NCKAP5: variants seen among roughly 807,000 people sequenced by gnomAD.
NCKAP5 encodes the protein NCK associated protein 5.
Under a neutral mutation model 167.0 loss-of-function variants are expected in NCKAP5, and 92 were observed. The ratio of observed to expected loss-of-function variants is 0.55; its 90% CI spans 0.47 to 0.66. The LOEUF is 0.66. NCKAP5 is among the 30% of genes least tolerant of loss of function. NCKAP5 has a pLI of 0.00. For synonymous variants in NCKAP5, 891 were observed against 877.4 expected (o/e 1.02, Z -0.27); for missense variants, 2,378 against 2,315.0 (o/e 1.03, Z -0.56).
intron 4 of NCKAP5, among the ~76,000 whole-genome samples, chr2:133,252,809 AAATTTAAATTCATG>A (rs1450096770): frequency 2.0e-5 from 3 of 152,228 alleles, no homozygotes; most frequent in Admixed American, 1.3e-4. Flanking sequence ...TGATGCCCAT[AAATTTAAATTCATG>A]ACTTACTTGC....
At chr2:132,906,396 A>T (rs1232281683) in intron 8 of NCKAP5, among the ~76,000 whole-genome samples, 1 of 152,182 alleles carries the variant, frequency 6.6e-6, no homozygotes, top group Non-Finnish European at 1.5e-5. Flanking sequence ...ATGAGAGATT[A>T]TACTGTAAAG....
intron 16 of NCKAP5, among the ~76,000 whole-genome samples, chr2:132,748,053 C>T (rs1679797293): frequency 6.6e-6 from 1 of 152,180 alleles, no homozygotes; most frequent in African/African-American, 2.4e-5. Context: ...TTAGAACAAG[C>T]TTCAGGGCTG....
chr2:132,874,080 C>T (rs1374171882), intron 9 of NCKAP5, among the ~76,000 whole-genome samples: 1 of 148,050 alleles, frequency 6.8e-6, no homozygotes, highest in African/African-American at 2.5e-5. Flanking sequence ...GTACGATCGT[C>T]TTCCATTTCT....
chr2:133,438,766 G>A (rs1156804581), intron 3 of NCKAP5, among the ~76,000 whole-genome samples: 1 of 151,972 alleles, frequency 6.6e-6, no homozygotes, highest in Admixed American at 6.5e-5. Flanking sequence ...TATTCTCTAG[G>A]GATATTTGAT....
chr2:133,539,408 C>T (rs1404380340), intron 2 of NCKAP5, among the ~76,000 whole-genome samples: 2 of 151,984 alleles, frequency 1.3e-5, no homozygotes, highest in Non-Finnish European at 2.9e-5. Flanking sequence ...CAGTTTAAAG[C>T]ACACAAAACT....
chr2:132,731,850 G>T lies in NCKAP5; in HGVS notation c.5330C>A (p.Thr1777Lys). Residue 1777 changes from threonine (T) to lysine (K), a missense_variant, in exon 17 of 20, where the codon ACA becomes AAA. Physicochemically the swap from Thr to Lys is moderately conservative, Grantham distance 78. Coordinates refer to ENST00000409261, the MANE Select transcript of NCKAP5 (RefSeq NM_207363.3). Reference protein sequence around the residue: ...QTLEREVPSSTDGQRPADSAI... With the variant: ...QTLEREVPSSKDGQRPADSAI... ...GCTATCTGCAGGGCGCTGGCCGTCT[G>T]TGGAGGAAGGCACTTCACGTTCAAG... is the stretch of plus-strand genomic sequence containing the variant. The T allele has an allele frequency of 6.2e-7, 1 of 1,613,976 alleles. No individual in the cohort carries two copies. Among genetic ancestry groups the T allele is most frequent in the Non-Finnish European group, 8.5e-7 (1 of 1,179,882 alleles).
chr2:133,337,088 CA>C lies in NCKAP5; in HGVS notation c.70-33979del, dbSNP rs1683262444. Reference sequence around the variant, plus strand: ...CATAGCTAGAACTCAGGCCTCTTTTCAATTTGTTTTCTGATCCCCCACTCTT... The same window carrying C: ...CATAGCTAGAACTCAGGCCTCTTTTCATTTGTTTTCTGATCCCCCACTCTT... On this transcript the variant is annotated intron_variant, in intron 3 of 19. Transcript: ENST00000409261. 2.0e-5 allele frequency among the ~76,000 whole-genome samples: 3 copies of C among 152,148 alleles called. No individual in the cohort carries two copies. The South Asian group carries it at 6.2e-4, about 32-fold the overall frequency.
At chr2:133,069,141 T>C (rs2080299543) in intron 6 of NCKAP5, among the ~76,000 whole-genome samples, 1 of 152,298 alleles carries the variant, frequency 6.6e-6, no homozygotes, top group South Asian at 2.1e-4. Flanking sequence ...AATGGAGAGA[T>C]GGAAAATTAG....
chr2:133,624,147 G>C, the NCKAP5 span, among the ~76,000 whole-genome samples: 10 of 152,042 alleles, frequency 6.6e-5, no homozygotes, highest in Non-Finnish European at 1.0e-4. Flanking sequence ...GTGGGGGATG[G>C]TGAGGGATAA....
intron 8 of NCKAP5, among the ~76,000 whole-genome samples, chr2:132,952,771 T>G (rs1023506364): frequency 6.6e-6 from 1 of 152,192 alleles, no homozygotes; most frequent in Non-Finnish European, 1.5e-5. Flanking sequence ...AATGCACGTA[T>G]TTTTCTACAC....
intron 4 of NCKAP5, among the ~76,000 whole-genome samples, chr2:133,251,325 C>T (rs2088311939): frequency 6.6e-6 from 1 of 152,110 alleles, no homozygotes; most frequent in Admixed American, 6.5e-5. Flanking sequence ...GTGAGGGATG[C>T]CTGTATCTGC....
intron 6 of NCKAP5, among the ~76,000 whole-genome samples, chr2:133,015,665 AATT>A (rs1168580763): frequency 6.6e-6 from 1 of 152,202 alleles, no homozygotes; most frequent in Non-Finnish European, 1.5e-5. Flanking sequence ...TTCGCCCACT[AATT>A]ATTGAGTCTT....
At chr2:133,555,010 C>T (rs187234987) in intron 2 of NCKAP5, among the ~76,000 whole-genome samples, 74 of 152,218 alleles carry the variant, frequency 4.9e-4, no homozygotes, top group African/African-American at 1.8e-3. Flanking sequence ...TATTTGGCCA[C>T]CTCCCTGTGG....
At chr2:132,795,818 C>CAAAA (rs1684535268) in intron 12 of NCKAP5, among the ~76,000 whole-genome samples, 1 of 33,692 alleles carries the variant, frequency 3.0e-5, no homozygotes. Context: ...GACCCCGTAT[C>CAAAA]AGAAAAAAAA....
the NCKAP5 span, among the ~76,000 whole-genome samples, chr2:133,599,080 T>C: frequency 6.6e-6 from 1 of 152,182 alleles, no homozygotes; most frequent in Non-Finnish European, 1.5e-5. Flanking sequence ...TAAGAACCAG[T>C]CAGTGGATTA....
At chr2:133,100,204 C>T (rs1004906357) in intron 6 of NCKAP5, among the ~76,000 whole-genome samples, 21 of 152,112 alleles carry the variant, frequency 1.4e-4, no homozygotes, top group South Asian at 2.1e-4. Context: ...AAAGGGAGTC[C>T]GTAGAAAAGG....
intron 6 of NCKAP5, among the ~76,000 whole-genome samples, chr2:133,106,159 G>A (rs1383283153): frequency 6.7e-6 from 1 of 148,340 alleles, no homozygotes; most frequent in Non-Finnish European, 1.5e-5. Flanking sequence ...CAGGAGTGGT[G>A]GCAGGCGCCT....
chr2:133,368,887 T>C (rs1200390597), intron 3 of NCKAP5, among the ~76,000 whole-genome samples: 2 of 152,214 alleles, frequency 1.3e-5, no homozygotes, highest in African/African-American at 4.8e-5. Context: ...GAGTAGAAGA[T>C]AAAACTTAGT....
chr2:132,673,661 A>T (rs1474551336), intron 19 of NCKAP5, among the ~76,000 whole-genome samples: 1 of 152,198 alleles, frequency 6.6e-6, no homozygotes, highest in Non-Finnish European at 1.5e-5. Flanking sequence ...CTTTTTCTAA[A>T]TATGAGTAGG....
Sources: gnomAD v4.1 joint callset for allele counts (sites outside exome capture counted in the v4.1 genomes callset) on GRCh38, gnomAD v4.1.1 for gene constraint, MANE v1.5 for transcripts, NCBI Gene and HGNC (gene_info 2026-07-23, HGNC 2026-07-21) for gene names.